Variants in NPFFR2 observed in about 807,000 individuals in gnomAD.
NPFFR2 encodes the protein G-protein coupled receptor 74.
NPFFR2 carries 15 observed loss-of-function variants against 13.1 expected under a neutral mutation model. The observed-to-expected ratio is 1.15, with a 90% CI of 0.77 to 1.76. The LOEUF (loss-of-function observed/expected upper bound fraction) is 1.76, where lower values mean the gene tolerates loss of function less well. Ranked by LOEUF, NPFFR2 falls within the 40% of genes most tolerant of loss-of-function variation. NPFFR2 has a pLI of 0.00. For synonymous variants in NPFFR2, 190 were observed against 175.7 expected (o/e 1.08, Z -0.65); for missense variants, 572 against 503.5 (o/e 1.14, Z -1.30).
intron 1 of NPFFR2, among the ~76,000 whole-genome samples, chr4:72,044,841 G>T (rs1420444973): frequency 6.6e-6 from 1 of 152,008 alleles, no homozygotes; most frequent in East Asian, 1.9e-4. Flanking sequence ...CTCCCATTCA[G>T]CAGAGTCTCT....
At position 72,146,175 on chromosome 4, in the gene NPFFR2, G is replaced by C. The variant is rs1722777454; in HGVS notation, c.429-803G>C. On this transcript the variant is annotated intron_variant, in intron 3 of 3. Coordinates refer to ENST00000308744, the MANE Select transcript of NPFFR2 (RefSeq NM_004885.3). ...TTGTGGGTTAATTGGGCACCTCTTT[G>C]TTCATCCTCCTGCTCCATGTGTTAT... Among the ~76,000 whole-genome samples, 3 of 152,156 alleles carry C rather than the reference G, an allele frequency of 2.0e-5. No individual in the cohort carries two copies. In the South Asian group the frequency reaches 6.2e-4, roughly 32 times the overall value.
intron 1 of NPFFR2, among the ~76,000 whole-genome samples, chr4:72,109,958 GAC>G (rs751335890): frequency 7.9e-5 from 12 of 151,972 alleles, no homozygotes; most frequent in Non-Finnish European, 1.5e-4. Flanking sequence ...CAATTCGCAA[GAC>G]ACAGAACATG....
chr4:72,035,554 A>C (rs989228724), intron 1 of NPFFR2, among the ~76,000 whole-genome samples: 1 of 152,206 alleles, frequency 6.6e-6, no homozygotes, highest in African/African-American at 2.4e-5. Context: ...ACTTAATGCC[A>C]CACATGACTG....
At chr4:72,106,081 A>G (rs762963197) in intron 1 of NPFFR2, among the ~76,000 whole-genome samples, 2 of 152,082 alleles carry the variant, frequency 1.3e-5, no homozygotes, top group Non-Finnish European at 2.9e-5. Flanking sequence ...CACACTTGTA[A>G]GATGGAGGGG....
intron 1 of NPFFR2, among the ~76,000 whole-genome samples, chr4:72,076,015 AGAGAGG>A (rs1338840228): frequency 2.5e-4 from 2 of 8,124 alleles, no homozygotes; most frequent in African/African-American, 5.9e-4. Context: ...ACAGAGAGAG[AGAGAGG>A]GCAGACAGCA....
chr4:72,035,871 G>T (rs1423503140), intron 1 of NPFFR2, among the ~76,000 whole-genome samples: 1 of 151,898 alleles, frequency 6.6e-6, no homozygotes, highest in East Asian at 1.9e-4. Flanking sequence ...ATGGAGTCTG[G>T]GTTCCATGTG....
At chr4:72,114,077 AAGG>A (rs1330446267) in intron 1 of NPFFR2, among the ~76,000 whole-genome samples, 2 of 152,216 alleles carry the variant, frequency 1.3e-5, no homozygotes, top group Middle Eastern at 3.4e-3. Context: ...TCATGTTGAC[AAGG>A]AGATTATATT....
At chr4:72,085,703 A>G (rs28729493) in intron 1 of NPFFR2, among the ~76,000 whole-genome samples, 3,971 of 152,252 alleles carry the variant, frequency 0.026, 143 homozygotes, top group African/African-American at 0.079. Flanking sequence ...ATGTAAAGAA[A>G]TGCTAGTTAT....
At chr4:72,127,520 C>T (rs1288140003) in intron 1 of NPFFR2, among the ~76,000 whole-genome samples, 16 of 144,440 alleles carry the variant, frequency 1.1e-4, no homozygotes, top group Non-Finnish European at 2.1e-4. Flanking sequence ...CCCGCCACCA[C>T]GCCCGGCTAA....
At chr4:72,146,650 G>A (rs1181805542) in intron 3 of NPFFR2, 2 of 228,112 alleles carry the variant, frequency 8.8e-6, no homozygotes, top group African/African-American at 4.6e-5. Flanking sequence ...AGTCTGTTTT[G>A]CTATCTTTTA....
intron 1 of NPFFR2, among the ~76,000 whole-genome samples, chr4:72,059,038 C>A (rs1719843687): frequency 6.6e-6 from 1 of 152,060 alleles, no homozygotes; most frequent in Non-Finnish European, 1.5e-5. Context: ...GAGGGAATAG[C>A]TATTCTGGCC....
At chr4:72,108,107 A>T (rs895156531) in intron 1 of NPFFR2, among the ~76,000 whole-genome samples, 3 of 151,930 alleles carry the variant, frequency 2.0e-5, no homozygotes, top group Admixed American at 6.6e-5. Flanking sequence ...AGAGCAAGTG[A>T]TGAGGCCTCC....
At chr4:72,130,589 AC>A (rs1722205345) in intron 2 of NPFFR2, among the ~76,000 whole-genome samples, 1 of 151,882 alleles carries the variant, frequency 6.6e-6, no homozygotes, top group Admixed American at 6.6e-5. Context: ...CCTTCCCTTG[AC>A]CCCTGCTTGG....
intron 2 of NPFFR2, among the ~76,000 whole-genome samples, chr4:72,136,826 G>A (rs60467014): frequency 0.082 from 12,421 of 152,126 alleles, 1,433 homozygotes; most frequent in East Asian, 0.47. Context: ...AAAGCCAGTG[G>A]CATCTAATTG....
intron 1 of NPFFR2, among the ~76,000 whole-genome samples, chr4:72,067,570 G>A (rs1720110666): frequency 2.6e-5 from 4 of 152,046 alleles, no homozygotes; most frequent in Admixed American, 2.6e-4. Context: ...GCCAGGCTGA[G>A]CATTTTTTCA....
chr4:72,063,558 C>T (rs906091387), intron 1 of NPFFR2, among the ~76,000 whole-genome samples: 12 of 152,130 alleles, frequency 7.9e-5, no homozygotes, highest in Admixed American at 1.3e-4. Context: ...GAAAGCAGAG[C>T]AAGGTTTCAA....
chr4:72,119,926 A>G (rs1721820707), intron 1 of NPFFR2, among the ~76,000 whole-genome samples: 1 of 152,044 alleles, frequency 6.6e-6, no homozygotes, highest in Non-Finnish European at 1.5e-5. Context: ...CCCGAGTGAG[A>G]CAGAACCCTT....
chr4:72,061,960 A>G (rs576893587), intron 1 of NPFFR2, among the ~76,000 whole-genome samples: 1 of 152,310 alleles, frequency 6.6e-6, no homozygotes, highest in East Asian at 1.9e-4. Flanking sequence ...TAATAAATAC[A>G]TAAGGACAGA....
At position 72,068,647 on chromosome 4, in the gene NPFFR2, A is replaced by G. The variant is rs139207721; in HGVS notation, c.-8+36447A>G. On this transcript the variant is annotated intron_variant, in intron 1 of 3. Transcript: ENST00000308744. Reference sequence around the variant, plus strand: ...GGCATTCAGTAAATACGGTTGAATGAACCAATTTTTGAATTAATGAATGAA... The same window carrying G: ...GGCATTCAGTAAATACGGTTGAATGGACCAATTTTTGAATTAATGAATGAA... Among the ~76,000 whole-genome samples the G allele has an allele frequency of 4.8e-3, 736 of 152,294 alleles. 3 individuals carry two copies. Among genetic ancestry groups the G allele is most frequent in the African/African-American group, 0.017 (703 of 41,556 alleles).
Sources: allele counts gnomAD v4.1 joint callset (sites outside exome capture counted in the v4.1 genomes callset), GRCh38; gene constraint gnomAD v4.1.1; transcripts MANE v1.5; gene names NCBI Gene and HGNC (gene_info 2026-07-23, HGNC 2026-07-21).